The following LRBA variants were observed in gnomAD, a reference collection of about 807,000 sequenced individuals.
The protein encoded by LRBA is lipopolysaccharide-responsive and beige-like anchor protein.
In LRBA, 176 loss-of-function variants were observed where a neutral mutation model predicts 330.0. The observed-to-expected ratio is 0.53, with a 90% CI of 0.47 to 0.60. The LOEUF (loss-of-function observed/expected upper bound fraction) is 0.60. LRBA is among the 20% of genes least tolerant of loss of function. The pLI is 0.00. For missense variants in LRBA, 3,259 were observed against 3,444.8 expected (o/e 0.95, Z 1.35); for synonymous variants, 1,230 against 1,193.0 (o/e 1.03, Z -0.64).
intron 34 of LRBA, among the ~76,000 whole-genome samples, chr4:150,785,125 G>C (rs1738856604): frequency 1.3e-5 from 2 of 152,130 alleles, no homozygotes; most frequent in African/African-American, 4.8e-5. Flanking sequence ...TAATTTGGTG[G>C]GGAGGAGGCC....
At chr4:150,419,633 C>CTTTTTTTTTTT (rs780382905) in intron 46 of LRBA, among the ~76,000 whole-genome samples, 1 of 96,990 alleles carries the variant, frequency 1.0e-5, no homozygotes, top group Non-Finnish European at 2.0e-5. Context: ...CTGATAATAT[C>CTTTTTTTTTTT]TTTTTTTTTT....
rs191569701 is a variant in LRBA, at chr4:150,948,541, G to C, written c.217-19476C>G. 4.6e-5 allele frequency among the ~76,000 whole-genome samples: 7 copies of C among 151,792 alleles called. No homozygotes were observed. The East Asian group carries it at 1.2e-3, about 25-fold the overall frequency. On this transcript the variant is annotated intron_variant, in intron 2 of 56. Coordinates refer to ENST00000651943, the MANE Select transcript of LRBA (RefSeq NM_001364905.1). ...ATAGGAGAAAATCTTCAGAATTTAG[G>C]GTTAAGCAAGAAGTTTTTAGACTTG...
chr4:150,945,805 CTT>C (rs758057990), intron 2 of LRBA, among the ~76,000 whole-genome samples: 13 of 143,458 alleles, frequency 9.1e-5, no homozygotes, highest in Admixed American at 2.1e-4. Flanking sequence ...AGGCATATTT[CTT>C]TTTTTTTTTT....
chr4:150,484,014 AGTT>A (rs749350784), intron 42 of LRBA, among the ~76,000 whole-genome samples: 5 of 151,980 alleles, frequency 3.3e-5, no homozygotes, highest in East Asian at 1.9e-4. Flanking sequence ...TAGTTCTAAC[AGTT>A]GTTGTTGTTG....
At chr4:150,784,411 G>A (rs952509517) in intron 34 of LRBA, among the ~76,000 whole-genome samples, 2 of 152,096 alleles carry the variant, frequency 1.3e-5, no homozygotes, top group Non-Finnish European at 2.9e-5. Context: ...GGTGATTATC[G>A]CTGCCTTTTT....
chr4:150,726,107 A>G (rs1729630848), intron 36 of LRBA, among the ~76,000 whole-genome samples: 1 of 151,814 alleles, frequency 6.6e-6, no homozygotes, highest in Non-Finnish European at 1.5e-5. Context: ...AAACAACCAG[A>G]AAGCAAATAA....
intron 28 of LRBA, among the ~76,000 whole-genome samples, chr4:150,837,424 G>T (rs1681239338): frequency 6.6e-6 from 1 of 152,238 alleles, no homozygotes; most frequent in East Asian, 1.9e-4. Context: ...TATTGTGTGG[G>T]AGTCTAAGTC....
At chr4:150,495,234 T>G (rs1759450386) in intron 40 of LRBA, among the ~76,000 whole-genome samples, 1 of 152,190 alleles carries the variant, frequency 6.6e-6, no homozygotes, top group Non-Finnish European at 1.5e-5. Context: ...TAAGTTTTTA[T>G]ATTATTAGTA....
intron 2 of LRBA, among the ~76,000 whole-genome samples, chr4:150,966,454 G>A (rs1255215389): frequency 6.7e-6 from 1 of 148,748 alleles, no homozygotes; most frequent in East Asian, 2.0e-4. Context: ...GACTACAGGT[G>A]CCCGCCACCA....
chr4:150,954,012 C>T (rs537806446), intron 2 of LRBA, among the ~76,000 whole-genome samples: 18 of 146,218 alleles, frequency 1.2e-4, no homozygotes, highest in African/African-American at 4.0e-4. Context: ...TGACCGGCCA[C>T]CCCGTCTGAG....
chr4:150,996,829 G>A (rs1431602322), intron 2 of LRBA, among the ~76,000 whole-genome samples: 2 of 152,062 alleles, frequency 1.3e-5, no homozygotes, highest in Non-Finnish European at 2.9e-5. Flanking sequence ...TACTAACTAT[G>A]ACACTTGAGC....
At chr4:150,883,045 T>TA (rs1728572215) in intron 17 of LRBA, among the ~76,000 whole-genome samples, 1 of 152,216 alleles carries the variant, frequency 6.6e-6, no homozygotes, top group East Asian at 1.9e-4. Context: ...CTGTCACCAA[T>TA]AAAGACCATC....
chr4:150,676,596 G>A (rs1371502691), intron 37 of LRBA, among the ~76,000 whole-genome samples: 3 of 152,094 alleles, frequency 2.0e-5, no homozygotes, highest in Admixed American at 1.3e-4. Context: ...CTTCAAGGCT[G>A]GGCTAAATTA....
chr4:150,476,121 C>T (rs1481367839), intron 42 of LRBA, among the ~76,000 whole-genome samples: 1 of 152,070 alleles, frequency 6.6e-6, no homozygotes, highest in Non-Finnish European at 1.5e-5. Flanking sequence ...TTATAATCTT[C>T]ATTACTCTAT....
At chr4:150,504,312 GA>G (rs1760739237) in intron 40 of LRBA, among the ~76,000 whole-genome samples, 1 of 152,116 alleles carries the variant, frequency 6.6e-6, no homozygotes, top group Non-Finnish European at 1.5e-5. Context: ...AAGTTGAAAT[GA>G]AGGAAAAAAA....
intron 35 of LRBA, among the ~76,000 whole-genome samples, chr4:150,749,827 T>C (rs914794082): frequency 2.0e-5 from 3 of 152,196 alleles, no homozygotes; most frequent in Non-Finnish European, 4.4e-5. Flanking sequence ...TTAAAAACTC[T>C]GCTCTTACTG....
intron 5 of LRBA, among the ~76,000 whole-genome samples, chr4:150,920,302 A>G (rs1035409739): frequency 6.6e-6 from 1 of 152,200 alleles, no homozygotes; most frequent in African/African-American, 2.4e-5. Context: ...TAATCCCAGC[A>G]CTTCGGGAGG....
At chr4:150,941,035 A>T (rs1374510687) in intron 2 of LRBA, among the ~76,000 whole-genome samples, 1 of 151,846 alleles carries the variant, frequency 6.6e-6, no homozygotes, top group Non-Finnish European at 1.5e-5. Context: ...TAAATTTTAG[A>T]TTGTAAATTT....
At chr4:150,848,665 CA>C (rs1198802498) in intron 26 of LRBA, among the ~76,000 whole-genome samples, 152 bp downstream of exon 26, 1 of 151,408 alleles carries the variant, frequency 6.6e-6, no homozygotes, top group African/African-American at 2.4e-5. Context: ...TCCAACTTAC[CA>C]ACTACTACTA....
Sources: allele counts gnomAD v4.1 joint callset (sites outside exome capture counted in the v4.1 genomes callset), GRCh38; gene constraint gnomAD v4.1.1; transcripts MANE v1.5; gene names NCBI Gene and HGNC (gene_info 2026-07-23, HGNC 2026-07-21).